IQSEC2: variants seen among roughly 807,000 people sequenced by gnomAD.
The protein encoded by IQSEC2 is IQ motif and SEC7 domain-containing protein 2.
IQSEC2 carries 6 observed loss-of-function variants against 74.6 expected under a neutral mutation model. The ratio of observed to expected loss-of-function variants is 0.08; its 90% CI spans 0.04 to 0.16. The LOEUF (loss-of-function observed/expected upper bound fraction) is 0.16. IQSEC2 is among the 10% of genes least tolerant of loss of function. IQSEC2 has a pLI of 1.00. For synonymous variants in IQSEC2, 494 were observed against 544.5 expected, an observed-to-expected ratio of 0.91 and a Z score of 1.29; for missense variants, 734 against 1,306.2, an observed-to-expected ratio of 0.56 and a Z score of 6.75.
At chrX:53,305,370 C>T (rs782410932) in intron 1 of IQSEC2, among the ~76,000 whole-genome samples, 1 of 110,712 alleles carries the variant, frequency 9.0e-6, no homozygotes, top group African/African-American at 3.3e-5. Flanking sequence ...TACACCACCA[C>T]GCCCAGCTAA....
chrX:53,282,336 T>G (rs1335693640), intron 2 of IQSEC2, among the ~76,000 whole-genome samples: 2 of 112,659 alleles, frequency 1.8e-5, no homozygotes, highest in Non-Finnish European at 3.8e-5. Flanking sequence ...CAGGTCAGAG[T>G]AGACTCCAGG....
chrX:53,274,427 G>A (rs781898973), intron 2 of IQSEC2, among the ~76,000 whole-genome samples: 1 of 101,225 alleles, frequency 9.9e-6, no homozygotes, highest in South Asian at 4.7e-4. Flanking sequence ...CCTAAAAATG[G>A]CACTTCATTG....
downstream of IQSEC2, chrX:53,231,244 G>A (rs2074063017): frequency 9.0e-6 from 1 of 111,277 alleles, no homozygotes; most frequent in Non-Finnish European, 1.9e-5. Flanking sequence ...GTGAAGGATG[G>A]GTTCTTCAAG....
chrX:53,291,887 G>T lies in IQSEC2; in HGVS notation c.737+8C>A. On this transcript the variant is annotated splice_region_variant and intron_variant, in intron 2 of 14. Coordinates refer to ENST00000642864, the MANE Select transcript of IQSEC2 (RefSeq NM_001111125.3). ...TCCCAACTAGTACTAAAGAAAGGAG[G>T]TACTGACCTGACTGTTCTGGAATTC... 1.7e-6 allele frequency: 2 copies of T among 1,163,734 alleles called. No individual in the cohort carries two copies. Among genetic ancestry groups the T allele is most frequent in the Non-Finnish European group, 2.3e-6 (2 of 869,934 alleles).
chrX:53,255,734 C>A, intron 3 of IQSEC2, 66 bp downstream of exon 3: 1 of 1,177,943 alleles, frequency 8.5e-7, no homozygotes, highest in East Asian at 3.0e-5. Flanking sequence ...GAGCCACATC[C>A]CAAACCCTCC....
downstream of IQSEC2, among the ~76,000 whole-genome samples, chrX:53,232,240 G>A (rs905735229): frequency 6.3e-5 from 7 of 111,844 alleles, no homozygotes; most frequent in Admixed American, 2.8e-4. Context: ...CTCTGTAAAC[G>A]AAAGGGAGTC....
rs1396960437 is a variant in IQSEC2, at chrX:53,233,949, C to T, written c.*270G>A. On this transcript the variant is annotated 3_prime_UTR_variant, in exon 15 of 15. Coordinates refer to ENST00000642864, the MANE Select transcript of IQSEC2 (RefSeq NM_001111125.3). ...GAAGAAGAAGACGGGAGAAAGAGTA[C>T]GAGGATCTCTGGAAGGCCCTCACCA... 4 of 295,045 alleles carry T rather than the reference C, an allele frequency of 1.4e-5. No homozygotes were observed. Among genetic ancestry groups the T allele is most frequent in the Non-Finnish European group, 2.3e-5 (4 of 170,253 alleles). The allele number at this position is 295,045 out of a possible 1,213,427, so 24.3% of individuals were successfully genotyped here. A position where few individuals can be genotyped will look rare whatever the true frequency, so the allele number is the denominator to read the frequency against.
intron 1 of IQSEC2, among the ~76,000 whole-genome samples, chrX:53,298,540 T>C (rs782649514): frequency 1.8e-5 from 2 of 112,059 alleles, no homozygotes; most frequent in South Asian, 7.5e-4. Context: ...CTTTAATCCC[T>C]GGTATTCTGA....
chrX:53,316,072 C>T (rs1323355310), intron 1 of IQSEC2, among the ~76,000 whole-genome samples: 1 of 112,144 alleles, frequency 8.9e-6, no homozygotes, highest in Non-Finnish European at 1.9e-5. Context: ...TGAGTGTTGC[C>T]TCTATGGCAT....
intron 1 of IQSEC2, among the ~76,000 whole-genome samples, chrX:53,297,122 CTCCTGAGTAGCTGGTATTACA>C (rs2075161330): frequency 9.1e-6 from 1 of 110,463 alleles, no homozygotes; most frequent in South Asian, 3.9e-4. Context: ...CCACCTCAGC[CTCCTGAGTAGCTGGTATTACA>C]GGCATGTACC....
At chrX:53,242,525 T>C (rs1258055687) in intron 9 of IQSEC2, among the ~76,000 whole-genome samples, 1 of 108,830 alleles carries the variant, frequency 9.2e-6, no homozygotes, top group Non-Finnish European at 1.9e-5. Flanking sequence ...AAATGGTCTC[T>C]CTCTCCTTTC....
chrX:53,279,421 T>C (rs1339001518), intron 2 of IQSEC2: 1 of 434,918 alleles, frequency 2.3e-6, no homozygotes, highest in African/African-American at 2.5e-5. Context: ...GCTGACCTGA[T>C]CTTCCAGGCA....
At chrX:53,265,509 G>A (rs1569312225) in intron 2 of IQSEC2, among the ~76,000 whole-genome samples, 1 of 111,344 alleles carries the variant, frequency 9.0e-6, no homozygotes, top group East Asian at 2.8e-4. Flanking sequence ...CAAAGCTCAA[G>A]GAGAAGAAAA....
In IQSEC2 at chrX:53,250,545, C is replaced by A. The variant is rs782692590; in HGVS notation, c.2031G>T (p.Gly677=). 1 of 1,211,872 alleles carries A rather than the reference C, an allele frequency of 8.3e-7. No individual in the cohort carries two copies. ...CCTCGCACTTCCCCAACCTCCGACC[C>A]CCAGCCACACCACTGGGCCCAGTGC... ...NSGTGPSGVA[G]GRRLGKCEAA... is the part of the protein sequence containing the mutation. Residue 677 remains glycine (G), a synonymous_variant, in exon 5 of 15, where the codon GGG becomes GGT. Coordinates refer to ENST00000642864, the MANE Select transcript of IQSEC2 (RefSeq NM_001111125.3).
chrX:53,282,864 G>A (rs1481923327), intron 2 of IQSEC2, among the ~76,000 whole-genome samples: 2 of 110,232 alleles, frequency 1.8e-5, no homozygotes, highest in African/African-American at 6.6e-5. Context: ...TGCCCTAAGA[G>A]CTGAACCCTC....
chrX:53,270,194 G>A (rs1556868417), intron 2 of IQSEC2, among the ~76,000 whole-genome samples: 1 of 110,778 alleles, frequency 9.0e-6, no homozygotes, highest in East Asian at 2.8e-4. Context: ...CCAGTCACCT[G>A]AGCCCAAAAC....
intron 9 of IQSEC2, among the ~76,000 whole-genome samples, 189 bp from the exon 10 acceptor site, chrX:53,242,098 T>C (rs1411606945): frequency 1.8e-5 from 2 of 111,898 alleles, no homozygotes; most frequent in Admixed American, 1.9e-4. Context: ...TGGAATGTCT[T>C]TCTTGCCCAG....
chrX:53,302,465 TAA>T (rs2075220400), intron 1 of IQSEC2, among the ~76,000 whole-genome samples: 1 of 111,872 alleles, frequency 8.9e-6, no homozygotes, highest in South Asian at 3.7e-4. Context: ...CAGAGAGAAA[TAA>T]GTTTCTAGGC....
intron 2 of IQSEC2, among the ~76,000 whole-genome samples, chrX:53,284,531 G>C (rs1266931602): frequency 9.0e-6 from 1 of 111,346 alleles, no homozygotes; most frequent in African/African-American, 3.3e-5. Context: ...GCTCCCCCTT[G>C]TTCTTCAAAA....
Sources: gnomAD v4.1 joint callset for allele counts (sites outside exome capture counted in the v4.1 genomes callset) on GRCh38, gnomAD v4.1.1 for gene constraint, MANE v1.5 for transcripts, NCBI Gene and HGNC (gene_info 2026-07-23, HGNC 2026-07-21) for gene names.